Variants in SOX6 observed in about 807,000 individuals in gnomAD.
The protein encoded by SOX6 is transcription factor SOX-6.
Under a neutral mutation model 97.8 loss-of-function variants are expected in SOX6, and 11 were observed. That is an observed-to-expected ratio of 0.11 (90% CI 0.07 to 0.19). The LOEUF is 0.19. Ranked by LOEUF, SOX6 falls within the 10% of genes least tolerant of loss-of-function variation. The probability of loss-of-function intolerance (pLI) is 1.00; values close to 1 mark genes in which losing one functional copy is unlikely to be tolerated. For missense variants in SOX6, 810 were observed against 1,039.5 expected, an observed-to-expected ratio of 0.78 and a Z score of 3.04; for synonymous variants, 360 against 371.4, an observed-to-expected ratio of 0.97 and a Z score of 0.35.
intron 1 of SOX6, among the ~76,000 whole-genome samples, chr11:16,412,398 T>G (rs1858838469): frequency 6.6e-6 from 1 of 152,250 alleles, no homozygotes; most frequent in Admixed American, 6.5e-5. Flanking sequence ...TGTGCAGTTA[T>G]GCAACTTTGG....
chr11:16,466,864 G>C (rs1206473519), intron 1 of SOX6, among the ~76,000 whole-genome samples: 34 of 144,104 alleles, frequency 2.4e-4, no homozygotes, highest in African/African-American at 8.1e-4. Context: ...CCGGGAGGCG[G>C]AGCTTGCAGT....
At chr11:16,557,161 T>C (rs998619926) in intron 4 of SOX6, among the ~76,000 whole-genome samples, 4 of 151,788 alleles carry the variant, frequency 2.6e-5, no homozygotes, top group Non-Finnish European at 4.4e-5. Flanking sequence ...TACTGGAAAA[T>C]GTTATCAAAC....
chr11:16,617,826 A>G (rs12788916), intron 3 of SOX6, among the ~76,000 whole-genome samples: 24,560 of 151,796 alleles, frequency 0.16, 2,096 homozygotes, highest in Non-Finnish European at 0.18. Flanking sequence ...CTAACAACCA[A>G]CCACTTCTCT....
chr11:16,424,458 G>A (rs989592104), intron 1 of SOX6, among the ~76,000 whole-genome samples: 3 of 152,114 alleles, frequency 2.0e-5, no homozygotes, highest in Admixed American at 6.5e-5. Context: ...CCCAAAGCCA[G>A]AAAGTGGCAA....
intron 12 of SOX6, among the ~76,000 whole-genome samples, chr11:16,022,370 CCTT>C: frequency 2.7e-5 from 4 of 147,750 alleles, no homozygotes; most frequent in African/African-American, 7.5e-5. Flanking sequence ...TTCCTTCCTT[CCTT>C]CCTCCCTCCC....
At chr11:16,713,220 A>G (rs1848194288) in intron 3 of SOX6, among the ~76,000 whole-genome samples, 1 of 152,200 alleles carries the variant, frequency 6.6e-6, no homozygotes, top group African/African-American at 2.4e-5. Flanking sequence ...AAAATATCAG[A>G]AAAAAACATT....
intron 7 of SOX6, among the ~76,000 whole-genome samples, chr11:16,102,916 A>G (rs1171545612): frequency 6.6e-6 from 1 of 152,092 alleles, no homozygotes; most frequent in Non-Finnish European, 1.5e-5. Context: ...TGAAACCATA[A>G]AGATTCTAGA....
At chr11:16,691,533 C>G (rs1056305523) in intron 3 of SOX6, among the ~76,000 whole-genome samples, 2 of 152,190 alleles carry the variant, frequency 1.3e-5, no homozygotes, top group Non-Finnish European at 2.9e-5. Context: ...CATGGTGGCT[C>G]AGGCCTGTAA....
intron 1 of SOX6, among the ~76,000 whole-genome samples, chr11:16,407,140 C>A (rs1031495397): frequency 1.3e-5 from 2 of 152,102 alleles, no homozygotes; most frequent in African/African-American, 4.8e-5. Context: ...CTAATGGCTA[C>A]TAGACTCAGA....
Position 15,972,627 on chromosome 11 carries a change from C to CA in SOX6, c.*181dup. ...ACAACAACAACAATAACAATAACAA[C>CA]AAAAAACTCAAGTTCATGAAAAATC... On this transcript the variant is annotated 3_prime_UTR_variant, in exon 16 of 16. Transcript: ENST00000683767. 3.1e-6 allele frequency: 2 copies of CA among 653,078 alleles called. No individual in the cohort carries two copies. The highest frequency in any genetic ancestry group is 5.2e-6 in the Non-Finnish European group (2 of 385,446). The allele number at this position is 653,078 out of a possible 1,614,324, so 40.5% of individuals were successfully genotyped here. A position where few individuals can be genotyped will look rare whatever the true frequency, so the allele number is the denominator to read the frequency against.
intron 1 of SOX6, among the ~76,000 whole-genome samples, chr11:16,439,398 T>A (rs1565146392): frequency 1.3e-5 from 2 of 152,196 alleles, no homozygotes; most frequent in African/African-American, 2.4e-5. Context: ...ATGGCATTTA[T>A]CAACTGCTCA....
At chr11:16,512,870 A>C (rs1034568288) in intron 4 of SOX6, among the ~76,000 whole-genome samples, 1 of 152,216 alleles carries the variant, frequency 6.6e-6, no homozygotes, top group South Asian at 2.1e-4. Flanking sequence ...GCACTTTTAT[A>C]ACCACTGCCT....
intron 9 of SOX6, among the ~76,000 whole-genome samples, chr11:16,093,835 C>T (rs577095149): frequency 2.0e-4 from 31 of 152,046 alleles, no homozygotes; most frequent in African/African-American, 7.2e-4. Flanking sequence ...CCTCTACCCT[C>T]GCTCAAGATT....
chr11:16,701,223 A>G (rs901666556), intron 3 of SOX6, among the ~76,000 whole-genome samples: 4 of 152,220 alleles, frequency 2.6e-5, no homozygotes, highest in Non-Finnish European at 5.9e-5. Context: ...GCGTGGACTC[A>G]GAGAGACCTG....
chr11:16,520,518 C>G (rs2133160158), intron 4 of SOX6, among the ~76,000 whole-genome samples: 1 of 152,300 alleles, frequency 6.6e-6, no homozygotes, highest in South Asian at 2.1e-4. Context: ...CAAATAGGAA[C>G]AGCTCTGGTC....
intron 1 of SOX6, among the ~76,000 whole-genome samples, chr11:16,364,825 G>T (rs1208237650): frequency 6.6e-6 from 1 of 152,068 alleles, no homozygotes; most frequent in Non-Finnish European, 1.5e-5. Flanking sequence ...AAACTTTGGA[G>T]TCAGATAACT....
chr11:16,311,842 G>A (rs984430667), intron 3 of SOX6: 1 of 152,076 alleles, frequency 6.6e-6, no homozygotes, highest in African/African-American at 2.4e-5. Context: ...TATCAGAGGA[G>A]CAAAACACAA....
chr11:16,596,206 GATC>G (rs999895700), intron 4 of SOX6, among the ~76,000 whole-genome samples: 4 of 152,124 alleles, frequency 2.6e-5, no homozygotes, highest in African/African-American at 4.8e-5. Flanking sequence ...TCACAGCCCT[GATC>G]ATCAGTTCAT....
chr11:16,525,035 T>C (rs1470937158), intron 4 of SOX6, among the ~76,000 whole-genome samples: 9 of 152,174 alleles, frequency 5.9e-5, no homozygotes, highest in South Asian at 4.1e-4. Flanking sequence ...AGACTCAATA[T>C]TGTGAAAATG....
Sources: gnomAD v4.1 joint callset for allele counts (sites outside exome capture counted in the v4.1 genomes callset) on GRCh38, gnomAD v4.1.1 for gene constraint, MANE v1.5 for transcripts, NCBI Gene and HGNC (gene_info 2026-07-23, HGNC 2026-07-21) for gene names.